Variants in TNIK observed in about 807,000 individuals in gnomAD.
The protein encoded by TNIK is TRAF2 and NCK interacting kinase.
Under a neutral mutation model 191.3 loss-of-function variants are expected in TNIK, and 49 were observed. That is an observed-to-expected ratio of 0.26 (90% CI 0.20 to 0.32). The LOEUF (loss-of-function observed/expected upper bound fraction) is 0.32, where lower values mean the gene tolerates loss of function less well. Among genes scored for constraint, TNIK ranks in the 10% least tolerant of loss-of-function variants. The pLI is 1.00. For synonymous variants in TNIK, 594 were observed against 600.9 expected, an observed-to-expected ratio of 0.99 and a Z score of 0.17; for missense variants, 1,155 against 1,702.3, an observed-to-expected ratio of 0.68 and a Z score of 5.66.
At chr3:171,169,745 G>A (rs2108762972) in intron 9 of TNIK, among the ~76,000 whole-genome samples, 1 of 152,282 alleles carries the variant, frequency 6.6e-6, no homozygotes, top group South Asian at 2.1e-4. Context: ...ATGGAATAGT[G>A]TTCAAGTTTA....
intron 2 of TNIK, among the ~76,000 whole-genome samples, chr3:171,243,096 G>A (rs1395689426): frequency 6.6e-6 from 1 of 152,150 alleles, no homozygotes; most frequent in Non-Finnish European, 1.5e-5. Flanking sequence ...ATGAAGAAGA[G>A]AAATAGAAAT....
intron 17 of TNIK, among the ~76,000 whole-genome samples, chr3:171,125,698 T>C (rs1728364847): frequency 6.6e-6 from 1 of 152,214 alleles, no homozygotes. Context: ...TCAATCTACC[T>C]GACTTCAGTT....
intron 1 of TNIK, among the ~76,000 whole-genome samples, chr3:171,397,186 C>G (rs1249081589): frequency 6.6e-6 from 1 of 152,154 alleles, no homozygotes; most frequent in African/African-American, 2.4e-5. Flanking sequence ...GTCTCTAAAG[C>G]CTTTGATACA....
chr3:171,072,011 A>G (rs2108325166), intron 28 of TNIK, among the ~76,000 whole-genome samples: 1 of 152,280 alleles, frequency 6.6e-6, no homozygotes, highest in South Asian at 2.1e-4. Context: ...TGCTTATTGA[A>G]TGGAAAAATG....
intron 3 of TNIK, among the ~76,000 whole-genome samples, chr3:171,217,010 C>T (rs1577147682): frequency 6.6e-6 from 1 of 152,018 alleles, no homozygotes; most frequent in African/African-American, 2.4e-5. Context: ...TTAATTCATT[C>T]AAGAATGATT....
At chr3:171,344,768 C>T (rs987413736) in intron 2 of TNIK, among the ~76,000 whole-genome samples, 1 of 151,942 alleles carries the variant, frequency 6.6e-6, no homozygotes, top group Non-Finnish European at 1.5e-5. Flanking sequence ...GAAACGATCC[C>T]CATTTAATTA....
intron 7 of TNIK, among the ~76,000 whole-genome samples, chr3:171,180,820 T>C (rs760974138): frequency 2.6e-5 from 4 of 152,206 alleles, no homozygotes; most frequent in Non-Finnish European, 4.4e-5. Context: ...CCCCTTATCA[T>C]TTTTGTTATC....
intron 9 of TNIK, among the ~76,000 whole-genome samples, chr3:171,173,900 G>A (rs1309815842): frequency 6.6e-6 from 1 of 152,112 alleles, no homozygotes; most frequent in Non-Finnish European, 1.5e-5. Flanking sequence ...CTCTCCCCGG[G>A]AGTCTGATCC....
intron 1 of TNIK, among the ~76,000 whole-genome samples, chr3:171,380,029 GCACACACA>G (rs35890103): frequency 2.6e-5 from 3 of 117,114 alleles, no homozygotes; most frequent in Admixed American, 1.6e-4. Flanking sequence ...ACACACACGC[GCACACACA>G]CACACACACA....
intron 10 of TNIK, among the ~76,000 whole-genome samples, chr3:171,164,518 A>T (rs775451299): frequency 6.6e-6 from 1 of 152,248 alleles, no homozygotes; most frequent in African/African-American, 2.4e-5. Flanking sequence ...TATTAGTAGT[A>T]TACTCTCAAT....
rs530664920 is a variant in TNIK, at chr3:171,232,347, A to G, written c.124-4126T>C. ...AATGGACAAATGTATGAATGAAAAA[A>G]AAAAACCACATGTGCAACCAAGAAC... On this transcript the variant is annotated intron_variant, in intron 2 of 32. Coordinates refer to ENST00000436636, the MANE Select transcript of TNIK (RefSeq NM_015028.4). Among the ~76,000 whole-genome samples, 12 of 152,206 alleles carry G rather than the reference A, an allele frequency of 7.9e-5. No individual in the cohort carries two copies. In the East Asian group the frequency reaches 2.3e-3, roughly 29 times the overall value.
intron 4 of TNIK, 74 bp from the exon 5 acceptor site, chr3:171,194,709 C>A: frequency 3.0e-6 from 4 of 1,333,262 alleles, no homozygotes; most frequent in Non-Finnish European, 4.3e-6. Context: ...TAAGAAAGCA[C>A]AAGCAATTGG....
At chr3:171,249,009 TA>T (rs1461825713) in intron 2 of TNIK, among the ~76,000 whole-genome samples, 2 of 152,244 alleles carry the variant, frequency 1.3e-5, no homozygotes, top group African/African-American at 4.8e-5. Flanking sequence ...CAATCTGACT[TA>T]AAATGCAAGT....
intron 1 of TNIK, 79 bp downstream of exon 1, chr3:171,459,928 C>CCCCCCCCCCCCCCT: frequency 7.0e-7 from 1 of 1,433,618 alleles, no homozygotes; most frequent in Non-Finnish European, 9.6e-7. Flanking sequence ...CTGCCCCAGC[C>CCCCCCCCCCCCCCT]CCAGCCCCCA....
intron 23 of TNIK, among the ~76,000 whole-genome samples, chr3:171,090,952 C>T (rs1158466986): frequency 6.6e-6 from 1 of 152,072 alleles, no homozygotes; most frequent in Non-Finnish European, 1.5e-5. Context: ...CTAATAGCAC[C>T]CTATAAGCTA....
chr3:171,456,026 G>A (rs1405127052), intron 1 of TNIK, among the ~76,000 whole-genome samples: 2 of 152,202 alleles, frequency 1.3e-5, no homozygotes, highest in Non-Finnish European at 2.9e-5. Context: ...CTTAAATCTG[G>A]GTTTCAATGG....
intron 1 of TNIK, among the ~76,000 whole-genome samples, chr3:171,447,064 G>A (rs141485468): frequency 0.014 from 2,169 of 152,166 alleles, 58 homozygotes; most frequent in African/African-American, 0.049. Flanking sequence ...GGTGGCGAGC[G>A]CCTGTAATCC....
intron 4 of TNIK, among the ~76,000 whole-genome samples, chr3:171,207,747 A>G (rs2901673): frequency 0.27 from 40,351 of 152,088 alleles, 5,699 homozygotes; most frequent in East Asian, 0.5. Flanking sequence ...AAACACAAAG[A>G]TATGTTAACT....
At chr3:171,171,929 A>T (rs1000313845) in intron 9 of TNIK, among the ~76,000 whole-genome samples, 1 of 152,108 alleles carries the variant, frequency 6.6e-6, no homozygotes, top group African/African-American at 2.4e-5. Flanking sequence ...CCTCCCAGAC[A>T]ACTTATTATT....
Sources: gnomAD v4.1 joint callset for allele counts (sites outside exome capture counted in the v4.1 genomes callset) on GRCh38, gnomAD v4.1.1 for gene constraint, MANE v1.5 for transcripts, NCBI Gene and HGNC (gene_info 2026-07-23, HGNC 2026-07-21) for gene names.